ZMIZ1: variants seen among roughly 807,000 people sequenced by gnomAD.
ZMIZ1 encodes zinc finger MIZ-type containing 1, also known as zinc finger MIZ domain-containing protein 1.
ZMIZ1 carries 17 observed loss-of-function variants against 113.9 expected under a neutral mutation model. That is an observed-to-expected ratio of 0.15 (90% CI 0.10 to 0.22). The LOEUF (loss-of-function observed/expected upper bound fraction) is 0.22. Among genes scored for constraint, ZMIZ1 ranks in the 10% least tolerant of loss-of-function variants. The probability of loss-of-function intolerance (pLI) is 1.00; values close to 1 mark genes in which losing one functional copy is unlikely to be tolerated. For synonymous variants in ZMIZ1, 607 were observed against 603.1 expected (o/e 1.01, Z -0.09); for missense variants, 1,059 against 1,477.8 (o/e 0.72, Z 4.65).
chr10:79,254,278 C>T (rs1393301383), intron 7 of ZMIZ1, among the ~76,000 whole-genome samples: 1 of 152,228 alleles, frequency 6.6e-6, no homozygotes, highest in Non-Finnish European at 1.5e-5. Flanking sequence ...AGGGCCAGAA[C>T]CCCAAGTGGA....
At chr10:79,092,074 G>C (rs1438728747) in intron 1 of ZMIZ1, among the ~76,000 whole-genome samples, 2 of 152,140 alleles carry the variant, frequency 1.3e-5, no homozygotes, top group Admixed American at 1.3e-4. Context: ...GAGTGGGAGA[G>C]GAGGTGGCAG....
At chr10:79,154,651 G>A (rs1225310585) in intron 3 of ZMIZ1, among the ~76,000 whole-genome samples, 2 of 152,240 alleles carry the variant, frequency 1.3e-5, no homozygotes, top group Admixed American at 6.5e-5. Context: ...GGTGTGGAAG[G>A]GAGTACCTGG....
At chr10:79,098,278 C>A (rs980088829) in intron 1 of ZMIZ1, among the ~76,000 whole-genome samples, 1 of 152,142 alleles carries the variant, frequency 6.6e-6, no homozygotes, top group African/African-American at 2.4e-5. Context: ...TTGGCCAGGC[C>A]AGGCCCCAGC....
intron 4 of ZMIZ1, among the ~76,000 whole-genome samples, chr10:79,175,036 C>G (rs1016933507): frequency 2.0e-5 from 3 of 152,200 alleles, no homozygotes; most frequent in Non-Finnish European, 2.9e-5. Context: ...AAGAGAAGAG[C>G]CAATGTGTAC....
At chr10:79,126,120 C>T (rs961034614) in intron 2 of ZMIZ1, among the ~76,000 whole-genome samples, 1 of 152,168 alleles carries the variant, frequency 6.6e-6, no homozygotes, top group South Asian at 2.1e-4. Context: ...GTGAGAGGTT[C>T]GCCACCACAA....
At chr10:79,116,889 G>T (rs949242360) in intron 1 of ZMIZ1, among the ~76,000 whole-genome samples, 6 of 152,204 alleles carry the variant, frequency 3.9e-5, no homozygotes, top group African/African-American at 1.4e-4. Context: ...ATCTCCTGCT[G>T]CCCAGCAAAC....
chr10:79,281,599 G>T (rs888919162), intron 8 of ZMIZ1, among the ~76,000 whole-genome samples: 4 of 152,248 alleles, frequency 2.6e-5, no homozygotes, highest in Non-Finnish European at 5.9e-5. Context: ...AGAGCTTGAA[G>T]ACCAGGCTGG....
chr10:79,310,672 C>T (rs1162873976), intron 23 of ZMIZ1, among the ~76,000 whole-genome samples: 1 of 152,140 alleles, frequency 6.6e-6, no homozygotes, highest in Non-Finnish European at 1.5e-5. Flanking sequence ...TGTCGAAGCC[C>T]TCCCCACCTC....
intron 8 of ZMIZ1, among the ~76,000 whole-genome samples, chr10:79,283,258 C>T (rs1445745155): frequency 2.6e-5 from 4 of 152,096 alleles, no homozygotes; most frequent in South Asian, 2.1e-4. Context: ...TATAGCAGGT[C>T]GGGGAACAGG....
At chr10:79,306,039 T>C (rs1160215196) in intron 21 of ZMIZ1, 61 bp from the exon 22 acceptor site, 3 of 1,570,844 alleles carry the variant, frequency 1.9e-6, no homozygotes, top group Non-Finnish European at 2.6e-6. Flanking sequence ...GAGCTGGAGG[T>C]GCTTTTATGC....
At chr10:79,174,157 C>T (rs1846720485) in intron 4 of ZMIZ1, among the ~76,000 whole-genome samples, 1 of 152,224 alleles carries the variant, frequency 6.6e-6, no homozygotes, top group Admixed American at 6.5e-5. Context: ...GCACAGGTTG[C>T]ACCCACCAGC....
intron 3 of ZMIZ1, among the ~76,000 whole-genome samples, chr10:79,152,402 A>T (rs1402413114): frequency 6.6e-6 from 1 of 152,172 alleles, no homozygotes; most frequent in Non-Finnish European, 1.5e-5. Flanking sequence ...TGGAGGGTTG[A>T]GGTGGGAGGA....
chr10:79,130,044 T>C (rs918191659), intron 2 of ZMIZ1, among the ~76,000 whole-genome samples: 2 of 152,164 alleles, frequency 1.3e-5, no homozygotes, highest in African/African-American at 4.8e-5. Context: ...TGCGGGGAGA[T>C]GCCTAGGTCA....
chr10:79,168,488 C>G (rs1419933325), intron 4 of ZMIZ1, among the ~76,000 whole-genome samples: 3 of 152,324 alleles, frequency 2.0e-5, no homozygotes, highest in Admixed American at 1.3e-4. Context: ...GAACCATGTC[C>G]CCAGCACAGT....
At position 79,291,101 on chromosome 10, in the gene ZMIZ1, G is replaced by A. The variant is rs764890947; in HGVS notation, c.683G>A (p.Gly228Asp). ...GQQQQFSAKA[G>D]PAQPYIQQSM... ...CAGCAGCAGTTCTCAGCCAAGGCTG[G>A]CCCCGCTCAGCCCTACATCCAGCAG... Residue 228 changes from glycine to aspartate, a missense_variant, in exon 10 of 25, where the codon GGC becomes GAC. Gly to Asp is a moderately conservative substitution (Grantham distance 94). This residue lies in a region of ZMIZ1 where 272 missense variants were observed against 350.4 expected (regional missense o/e 0.78). Transcript: ENST00000334512. 3 of 1,614,208 alleles carry A rather than the reference G, an allele frequency of 1.9e-6. No homozygotes were observed. In the South Asian group the frequency reaches 3.3e-5, roughly 18 times the overall value.
chr10:79,260,215 C>T (rs1328879425), intron 7 of ZMIZ1, among the ~76,000 whole-genome samples: 4 of 152,236 alleles, frequency 2.6e-5, no homozygotes, highest in Non-Finnish European at 5.9e-5. Flanking sequence ...AGGTATTGTT[C>T]TAGGCACTGG....
At chr10:79,130,630 G>A (rs1844719863) in intron 2 of ZMIZ1, among the ~76,000 whole-genome samples, 1 of 152,174 alleles carries the variant, frequency 6.6e-6, no homozygotes. Flanking sequence ...TTGGTGCATA[G>A]GCGCTGGGGT....
chr10:79,136,335 T>C (rs1845007140), intron 2 of ZMIZ1, among the ~76,000 whole-genome samples: 1 of 152,240 alleles, frequency 6.6e-6, no homozygotes. Context: ...TCCCAGGAAG[T>C]CAAGATGGTG....
At chr10:79,290,794 T>C in intron 9 of ZMIZ1, 165 bp from the exon 10 acceptor site, 1 of 819,448 alleles carries the variant, frequency 1.2e-6, no homozygotes, top group Non-Finnish European at 2.1e-6. Flanking sequence ...CCGCTCCTTA[T>C]CACCGGTACA....
Sources: gnomAD v4.1 joint callset for allele counts (sites outside exome capture counted in the v4.1 genomes callset) on GRCh38, gnomAD v4.1.1 for gene constraint, gnomAD v4.1.1 regional missense constraint, MANE v1.5 for transcripts, NCBI Gene and HGNC (gene_info 2026-07-23, HGNC 2026-07-21) for gene names.